The following ASIC2 variants were observed in gnomAD, a reference collection of about 807,000 sequenced individuals.
ASIC2 encodes acid-sensing ion channel 2.
ASIC2 carries 25 observed loss-of-function variants against 57.3 expected under a neutral mutation model. The ratio of observed to expected loss-of-function variants is 0.44; its 90% CI spans 0.32 to 0.61. The LOEUF (loss-of-function observed/expected upper bound fraction) is 0.61, where lower values mean the gene tolerates loss of function less well. Ranked by LOEUF, ASIC2 falls within the 20% of genes least tolerant of loss-of-function variation. The pLI, the probability that ASIC2 is intolerant of heterozygous loss-of-function variation, is 0.06. For synonymous variants in ASIC2, 319 were observed against 307.5 expected, an observed-to-expected ratio of 1.04 and a Z score of -0.39; for missense variants, 641 against 738.1, an observed-to-expected ratio of 0.87 and a Z score of 1.52.
chr17:33,701,766 C>T (rs895619525), intron 1 of ASIC2, among the ~76,000 whole-genome samples: 2 of 152,186 alleles, frequency 1.3e-5, no homozygotes, highest in African/African-American at 2.4e-5. Context: ...GTCACTTAAT[C>T]GGCCAGAAAG....
chr17:34,040,217 G>T (rs1908070783), intron 1 of ASIC2, among the ~76,000 whole-genome samples: 1 of 143,712 alleles, frequency 7.0e-6, no homozygotes, highest in Non-Finnish European at 1.5e-5. Flanking sequence ...GGAGGTGGGG[G>T]CCCGCTCGGC....
chr17:33,052,648 G>C (rs563980787), intron 3 of ASIC2, among the ~76,000 whole-genome samples: 1 of 152,118 alleles, frequency 6.6e-6, no homozygotes, highest in Non-Finnish European at 1.5e-5. Flanking sequence ...GTCCCTGCTT[G>C]TTGGGGTCTT....
At chr17:33,442,975 T>A (rs1314923369) in intron 1 of ASIC2, among the ~76,000 whole-genome samples, 1 of 152,186 alleles carries the variant, frequency 6.6e-6, no homozygotes, top group Non-Finnish European at 1.5e-5. Context: ...CTGGAAAAAA[T>A]TTTGTCATCA....
At chr17:33,887,347 A>G (rs959468638) in intron 1 of ASIC2, among the ~76,000 whole-genome samples, 1 of 152,190 alleles carries the variant, frequency 6.6e-6, no homozygotes, top group Non-Finnish European at 1.5e-5. Flanking sequence ...TGGATACACT[A>G]TGATCAGGGT....
intron 3 of ASIC2, among the ~76,000 whole-genome samples, chr17:33,088,609 G>C (rs1482361031): frequency 6.6e-6 from 1 of 152,044 alleles, no homozygotes; most frequent in African/African-American, 2.4e-5. Context: ...AAAGTCAACT[G>C]TAACAGAATG....
chr17:34,062,123 C>T (rs1471295629), intron 1 of ASIC2, among the ~76,000 whole-genome samples: 1 of 152,114 alleles, frequency 6.6e-6, no homozygotes, highest in Non-Finnish European at 1.5e-5. Context: ...TATAATAGGA[C>T]ATAAAACGAG....
intron 1 of ASIC2, among the ~76,000 whole-genome samples, chr17:33,396,040 T>G (rs1480597476): frequency 6.6e-6 from 1 of 152,182 alleles, no homozygotes; most frequent in Non-Finnish European, 1.5e-5. Context: ...CTTTCACTTT[T>G]TAATCAATTG....
rs1909442191 is a variant in ASIC2, at chr17:33,380,299, G to GA, written c.556-268233dup. ...AAAGAAAGAAAGAAAAAAAGAAAAA[G>GA]AAAAGAAAAGAAATGGTTACATTGA... On this transcript the variant is annotated intron_variant, in intron 1 of 9. Coordinates refer to the ASIC2 transcript ENST00000359872. 2.0e-3 allele frequency among the ~76,000 whole-genome samples: 253 copies of GA among 124,142 alleles called. 1 individual carries two copies. Among genetic ancestry groups the GA allele is most frequent in the African/African-American group, 6.4e-3 (235 of 36,638 alleles). 81.4% of individuals were successfully genotyped at this position (124,142 alleles called of 152,430 possible). A position where few individuals can be genotyped will look rare whatever the true frequency, so the allele number is the denominator to read the frequency against.
chr17:33,121,025 A>G (rs1470270205), intron 1 of ASIC2, among the ~76,000 whole-genome samples: 2 of 152,224 alleles, frequency 1.3e-5, no homozygotes, highest in Non-Finnish European at 2.9e-5. Flanking sequence ...AATACCTTCC[A>G]GTGGAGCTGT....
intron 1 of ASIC2, among the ~76,000 whole-genome samples, chr17:34,099,635 AAAG>A (rs1910749611): frequency 6.7e-6 from 1 of 149,056 alleles, no homozygotes; most frequent in South Asian, 2.1e-4. Context: ...AAAGAAAAAG[AAAG>A]AAAGAAAAGA....
intron 1 of ASIC2, among the ~76,000 whole-genome samples, chr17:33,858,175 C>T (rs1914011697): frequency 6.6e-6 from 1 of 152,214 alleles, no homozygotes. Context: ...CTGTTTCTGC[C>T]TCGTCCTTAG....
chr17:33,995,811 T>C (rs62056818), intron 1 of ASIC2, among the ~76,000 whole-genome samples: 61,090 of 152,014 alleles, frequency 0.4, 12,458 homozygotes, highest in Non-Finnish European at 0.45. Context: ...GCACAATGAA[T>C]ACAGGAGTAC....
chr17:33,600,298 C>T (rs1349525531), intron 1 of ASIC2, among the ~76,000 whole-genome samples: 1 of 152,254 alleles, frequency 6.6e-6, no homozygotes, highest in Non-Finnish European at 1.5e-5. Context: ...GTGATGCCTT[C>T]TGCATGTTAT....
At chr17:33,462,956 C>A (rs993616896) in intron 1 of ASIC2, among the ~76,000 whole-genome samples, 5 of 152,184 alleles carry the variant, frequency 3.3e-5, no homozygotes, top group Non-Finnish European at 7.4e-5. Context: ...CCTGTCCCTC[C>A]CACTTACTTC....
chr17:34,031,441 A>C (rs1907607921), intron 1 of ASIC2, among the ~76,000 whole-genome samples: 1 of 152,362 alleles, frequency 6.6e-6, no homozygotes, highest in South Asian at 2.1e-4. Context: ...TGGAAACTGT[A>C]AAAATCAGAG....
At chr17:33,073,111 G>T (rs376632684) in intron 3 of ASIC2, among the ~76,000 whole-genome samples, 1 of 152,212 alleles carries the variant, frequency 6.6e-6, no homozygotes. Context: ...TGGTAGTTGG[G>T]GGGAGGGAAT....
At chr17:33,498,425 T>A (rs573469461) in intron 1 of ASIC2, among the ~76,000 whole-genome samples, 2 of 152,312 alleles carry the variant, frequency 1.3e-5, no homozygotes, top group Admixed American at 6.5e-5. Flanking sequence ...TTGGAGGCTC[T>A]TGGGTGAGTG....
At chr17:33,419,644 G>A (rs1910977523) in intron 1 of ASIC2, among the ~76,000 whole-genome samples, 1 of 152,214 alleles carries the variant, frequency 6.6e-6, no homozygotes. Flanking sequence ...TTTAAAGTAT[G>A]TTTTTCACAG....
chr17:33,395,146 C>T (rs1402725793), intron 1 of ASIC2, among the ~76,000 whole-genome samples: 1 of 151,662 alleles, frequency 6.6e-6, no homozygotes, highest in Non-Finnish European at 1.5e-5. Flanking sequence ...ACACATTCCC[C>T]CCCACCCACT....
Sources: allele counts gnomAD v4.1 joint callset (sites outside exome capture counted in the v4.1 genomes callset), GRCh38; gene constraint gnomAD v4.1.1; transcripts MANE v1.5; gene names NCBI Gene and HGNC (gene_info 2026-07-23, HGNC 2026-07-21).